The following DGKG variants were observed in gnomAD, a reference collection of about 807,000 sequenced individuals.
The protein encoded by DGKG is diacylglycerol kinase gamma, also known as DAG kinase gamma.
DGKG carries 78 observed loss-of-function variants against 105.3 expected under a neutral mutation model. The ratio of observed to expected loss-of-function variants is 0.74; its 90% CI spans 0.62 to 0.89. The LOEUF (loss-of-function observed/expected upper bound fraction) is 0.89. DGKG is among the 40% of genes least tolerant of loss of function. The pLI is 0.00. For synonymous variants in DGKG, 346 were observed against 367.1 expected, an observed-to-expected ratio of 0.94 and a Z score of 0.66; for missense variants, 958 against 1,020.1, an observed-to-expected ratio of 0.94 and a Z score of 0.83.
In DGKG at chr3:186,284,132, A is replaced by G. The variant is rs894713907; in HGVS notation, c.594+528T>C. Among the ~76,000 whole-genome samples, 5 of 152,184 alleles carry G rather than the reference A, an allele frequency of 3.3e-5. No homozygotes were observed. The highest frequency in any genetic ancestry group is 4.8e-5 in the African/African-American group (2 of 41,448). On this transcript the variant is annotated intron_variant, in intron 7 of 24. Coordinates refer to ENST00000265022, the MANE Select transcript of DGKG (RefSeq NM_001346.3). This position sits in a 1 kb window ranked among gnomAD's most constrained non-coding sequence, Gnocchi z 4.0. The stretch of plus-strand genomic sequence containing the variant: ...ACATGTACTTAGAGCAGACAGAACC[A>G]GACTCCTAGGCTAGTGCCCTGGAGT...
intron 21 of DGKG, among the ~76,000 whole-genome samples, chr3:186,200,537 A>G (rs1418452932): frequency 1.3e-5 from 2 of 152,164 alleles, no homozygotes; most frequent in East Asian, 1.9e-4. Context: ...ATGTGCTAGG[A>G]TGAGTCTTTT....
Position 186,189,642 on chromosome 3 carries a change from A to G in DGKG, c.1918-1263T>C, listed in dbSNP as rs535874932. On this transcript the variant is annotated intron_variant, in intron 21 of 24. Transcript: ENST00000265022. ...GTTACGTACAAACCCAAACTTCCAG[A>G]GACTTATCAACAGAGCAGGACTAGA... Among the ~76,000 whole-genome samples, 19 of 152,348 alleles carry G rather than the reference A, an allele frequency of 1.2e-4. No homozygotes were observed. The East Asian group carries it at 3.5e-3, about 28-fold the overall frequency.
chr3:186,195,297 CA>C (rs67445617), intron 21 of DGKG, among the ~76,000 whole-genome samples: 71,868 of 151,448 alleles, frequency 0.47, 20,350 homozygotes, highest in East Asian at 0.74. Context: ...AAAAACAAAA[CA>C]AAAAAACAAA....
chr3:186,254,179 T>G (rs1721354029), intron 17 of DGKG, among the ~76,000 whole-genome samples: 1 of 152,120 alleles, frequency 6.6e-6, no homozygotes, highest in Non-Finnish European at 1.5e-5. Context: ...CCATGAGACC[T>G]CAGCACGCAT....
At position 186,148,735 on chromosome 3, in the gene DGKG, A is replaced by C; in HGVS notation, c.*1355T>G. 3 of 985,262 alleles carry C rather than the reference A, an allele frequency of 3.0e-6. No individual in the cohort carries two copies. The highest frequency in any genetic ancestry group is 3.6e-6 in the Non-Finnish European group (3 of 829,758). The allele number at this position is 985,262 out of a possible 1,614,324, so 61.0% of individuals were successfully genotyped here. On this transcript the variant is annotated 3_prime_UTR_variant, in exon 25 of 25. Transcript: ENST00000265022. ...GTAAATCCAGCCCAGCAGGTCTTTC[A>C]TGCTTGTTTTGAGGATCCAGAATAG... is the stretch of plus-strand genomic sequence containing the variant.
intron 3 of DGKG, among the ~76,000 whole-genome samples, chr3:186,303,495 A>G (rs144670774): frequency 6.6e-6 from 1 of 152,332 alleles, no homozygotes; most frequent in East Asian, 1.9e-4. Context: ...CTAGATGGAG[A>G]GCTTAGCAGG....
At position 186,272,315 on chromosome 3, in the gene DGKG, A is replaced by G. The variant is rs918754906; in HGVS notation, c.939T>C (p.Cys313=). The change falls in exon 11 of 25, where the codon TGT becomes TGC. Residue 313 remains cysteine (C), a synonymous_variant. Transcript: ENST00000265022. ...CACAACCAGGAATGTTTCTGGACAC[A>G]CAGCGTTCGTGGACAGTGTATTTAC... ...TYCKYTVHER[C]VSRNIPGCVK... is the part of the protein sequence containing the mutation. 10 of 1,613,794 alleles carry G rather than the reference A, an allele frequency of 6.2e-6. No homozygotes were observed. The highest frequency in any genetic ancestry group is 7.6e-6 in the Non-Finnish European group (9 of 1,179,798).
At chr3:186,198,244 G>A (rs1718280881) in intron 21 of DGKG, among the ~76,000 whole-genome samples, 1 of 152,176 alleles carries the variant, frequency 6.6e-6, no homozygotes, top group South Asian at 2.1e-4. Context: ...AAATAAAGTG[G>A]ACCAAATTTC....
chr3:186,300,377 C>G (rs996620987), intron 3 of DGKG, among the ~76,000 whole-genome samples: 5 of 152,180 alleles, frequency 3.3e-5, no homozygotes, highest in African/African-American at 4.8e-5. Flanking sequence ...GATCCTAGCC[C>G]ATTACCTCTG....
At chr3:186,176,833 C>T (rs945239267) in intron 22 of DGKG, among the ~76,000 whole-genome samples, 1 of 152,120 alleles carries the variant, frequency 6.6e-6, no homozygotes, top group Non-Finnish European at 1.5e-5. Flanking sequence ...TGGGCGCTGG[C>T]CTCATGCTGG....
chr3:186,326,555 A>G (rs1175947954), intron 1 of DGKG, among the ~76,000 whole-genome samples: 2 of 151,924 alleles, frequency 1.3e-5, no homozygotes, highest in Non-Finnish European at 2.9e-5. Flanking sequence ...CCTTCCTTCC[A>G]TATTTTTTAA....
At chr3:186,327,117 T>C (rs1725379915) in intron 1 of DGKG, among the ~76,000 whole-genome samples, 2 of 152,092 alleles carry the variant, frequency 1.3e-5, no homozygotes, top group Non-Finnish European at 2.9e-5. Context: ...TGAACTATAA[T>C]TGCACCATTG....
At chr3:186,265,657 CTTTTTTTTTTTTTT>C (rs68014632) in intron 13 of DGKG, among the ~76,000 whole-genome samples, 12 of 77,384 alleles carry the variant, frequency 1.6e-4, no homozygotes, top group African/African-American at 6.1e-4. Flanking sequence ...TTCTTCCTTT[CTTTTTTTTTTTTTT>C]TTTTTTTTTT....
At chr3:186,252,035 C>T (rs1310474116) in intron 18 of DGKG, 116 bp from the exon 19 acceptor site, 1 of 973,672 alleles carries the variant, frequency 1.0e-6, no homozygotes, top group Non-Finnish European at 1.5e-6. Flanking sequence ...GGACTCCCCA[C>T]TGTGTCTGTG....
chr3:186,353,855 C>G (rs1053627457), intron 1 of DGKG, among the ~76,000 whole-genome samples: 1 of 152,034 alleles, frequency 6.6e-6, no homozygotes, highest in Non-Finnish European at 1.5e-5. Flanking sequence ...GAGAGCATTG[C>G]TATGGTTTGC....
intron 1 of DGKG, among the ~76,000 whole-genome samples, chr3:186,337,302 A>G (rs1170371037): frequency 3.9e-5 from 6 of 152,204 alleles, no homozygotes; most frequent in Non-Finnish European, 7.4e-5. Context: ...TCAATGTTAT[A>G]AAACCTATCA....
intron 10 of DGKG, among the ~76,000 whole-genome samples, chr3:186,272,721 G>C (rs1178987443): frequency 6.6e-6 from 1 of 152,100 alleles, no homozygotes; most frequent in Non-Finnish European, 1.5e-5. Context: ...AAAGGCCAGG[G>C]CTTTTTTTTG....
At chr3:186,247,395 A>C (rs1268393678) in intron 19 of DGKG, among the ~76,000 whole-genome samples, 1 of 152,186 alleles carries the variant, frequency 6.6e-6, no homozygotes, top group Non-Finnish European at 1.5e-5. Flanking sequence ...TTATAAATAC[A>C]AAGCAACAGA....
At chr3:186,306,596 T>C in intron 3 of DGKG, 1 of 285,452 alleles carries the variant, frequency 3.5e-6, no homozygotes, top group Non-Finnish European at 6.6e-6. Flanking sequence ...TTGTGAAAGA[T>C]CTGTTCTGTT....
Sources: allele counts gnomAD v4.1 joint callset (sites outside exome capture counted in the v4.1 genomes callset), GRCh38; gene constraint gnomAD v4.1.1; non-coding constraint Gnocchi (gnomAD v3.1); transcripts MANE v1.5; gene names NCBI Gene and HGNC (gene_info 2026-07-23, HGNC 2026-07-21).